FRMD6: variants seen among roughly 807,000 people sequenced by gnomAD.
The protein encoded by FRMD6 is FERM domain containing 6.
FRMD6 carries 37 observed loss-of-function variants against 73.2 expected under a neutral mutation model. The ratio of observed to expected loss-of-function variants is 0.51; its 90% CI spans 0.39 to 0.66. The LOEUF is 0.66. Ranked by LOEUF, FRMD6 falls within the 30% of genes least tolerant of loss-of-function variation. The pLI is 0.00. For synonymous variants in FRMD6, 273 were observed against 282.2 expected (o/e 0.97, Z 0.33); for missense variants, 714 against 780.5 (o/e 0.91, Z 1.02).
chr14:51,647,743 T>C (rs1364099397), upstream of FRMD6, among the ~76,000 whole-genome samples: 1 of 152,220 alleles, frequency 6.6e-6, no homozygotes, highest in African/African-American at 2.4e-5. Flanking sequence ...GTTAAATCAC[T>C]GACTTCTCTC....
At chr14:51,718,708 G>A (rs1897369083) in intron 10 of FRMD6, among the ~76,000 whole-genome samples, 1 of 152,162 alleles carries the variant, frequency 6.6e-6, no homozygotes, top group African/African-American at 2.4e-5. Context: ...GTTTCAGCCT[G>A]CTTTCTCTGT....
intron 10 of FRMD6, among the ~76,000 whole-genome samples, chr14:51,717,721 C>T (rs749820): frequency 1.3e-5 from 2 of 151,908 alleles, no homozygotes; most frequent in Non-Finnish European, 2.9e-5. Context: ...ACATGAAAAG[C>T]CCTTTTTTGG....
At chr14:51,616,640 A>G (rs1890728139) in intron 2 of FRMD6, among the ~76,000 whole-genome samples, 1 of 152,138 alleles carries the variant, frequency 6.6e-6, no homozygotes, top group South Asian at 2.1e-4. Flanking sequence ...GGGGTGGTAA[A>G]GAACACAGGC....
chr14:51,599,462 C>T (rs1889910514), intron 2 of FRMD6, among the ~76,000 whole-genome samples: 1 of 152,064 alleles, frequency 6.6e-6, no homozygotes. Flanking sequence ...TTCTCAAAAG[C>T]AATTGCAACA....
intron 1 of FRMD6, among the ~76,000 whole-genome samples, chr14:51,511,340 A>C (rs1421844754): frequency 2.0e-5 from 3 of 152,272 alleles, no homozygotes; most frequent in Non-Finnish European, 2.9e-5. Flanking sequence ...GAAATAAAGA[A>C]GAAAGAAATT....
chr14:51,536,775 CAT>C (rs1368717945), intron 1 of FRMD6, among the ~76,000 whole-genome samples: 4 of 152,192 alleles, frequency 2.6e-5, no homozygotes, highest in Non-Finnish European at 5.9e-5. Flanking sequence ...TATGATCATT[CAT>C]AAACCAGCTG....
chr14:51,448,145 T>A, the FRMD6 span, among the ~76,000 whole-genome samples: 1 of 152,242 alleles, frequency 6.6e-6, no homozygotes, highest in East Asian at 1.9e-4. Context: ...TTTTTGGAAT[T>A]CCTAATGTTT....
the FRMD6 span, chr14:51,454,799 A>G: frequency 6.6e-6 from 1 of 150,714 alleles, no homozygotes; most frequent in South Asian, 2.1e-4. Flanking sequence ...ATTACTCTCC[A>G]TTCCCTTTGT....
chr14:51,584,266 A>C (rs374333874), intron 2 of FRMD6: 1 of 152,234 alleles, frequency 6.6e-6, no homozygotes, highest in East Asian at 1.9e-4. Context: ...TTCTCCTGGC[A>C]GAGGCATTTG....
chr14:51,656,942 C>T (rs1006478056), intron 1 of FRMD6, among the ~76,000 whole-genome samples: 7 of 152,056 alleles, frequency 4.6e-5, no homozygotes, highest in South Asian at 2.1e-4. Context: ...TATCTTTGTA[C>T]ATGTTTTATA....
intron 2 of FRMD6, among the ~76,000 whole-genome samples, chr14:51,584,494 C>T (rs1888907491): frequency 6.6e-6 from 1 of 152,226 alleles, no homozygotes; most frequent in South Asian, 2.1e-4. Context: ...AATGGTACCA[C>T]TTGGGCATAG....
chr14:51,585,316 A>C (rs545487183), intron 2 of FRMD6, among the ~76,000 whole-genome samples: 2 of 152,278 alleles, frequency 1.3e-5, no homozygotes, highest in South Asian at 4.2e-4. Context: ...CATACGACTT[A>C]AATTTGTCCC....
chr14:51,726,589 A>G (rs182634822), intron 13 of FRMD6, among the ~76,000 whole-genome samples: 13 of 152,150 alleles, frequency 8.5e-5, no homozygotes, highest in African/African-American at 3.1e-4. Context: ...CGTTGAAGTA[A>G]CCATAATGTG....
intron 1 of FRMD6, among the ~76,000 whole-genome samples, chr14:51,497,865 G>A (rs1391029268): frequency 5.9e-5 from 9 of 152,134 alleles, no homozygotes; most frequent in Non-Finnish European, 8.8e-5. Context: ...AGGCTTCTAC[G>A]AATCTTAGAA....
the FRMD6 span, among the ~76,000 whole-genome samples, chr14:51,415,374 A>G: frequency 1.3e-5 from 2 of 152,176 alleles, no homozygotes; most frequent in Admixed American, 1.3e-4. Context: ...AAGGCTGTTG[A>G]ATTTTGTCAA....
At chr14:51,469,726 AC>A in the FRMD6 span, among the ~76,000 whole-genome samples, 1 of 151,668 alleles carries the variant, frequency 6.6e-6, no homozygotes, top group Non-Finnish European at 1.5e-5. Context: ...CATGAGAAAT[AC>A]TTTATTTTTT....
At chr14:51,660,675 A>G (rs893841206) in intron 1 of FRMD6, among the ~76,000 whole-genome samples, 11 of 151,658 alleles carry the variant, frequency 7.3e-5, no homozygotes, top group African/African-American at 2.4e-4. Flanking sequence ...GGCAATCAGC[A>G]TAAGAAAATA....
chr14:51,429,605 C>T, the FRMD6 span, among the ~76,000 whole-genome samples: 2 of 152,078 alleles, frequency 1.3e-5, no homozygotes, highest in African/African-American at 2.4e-5. Flanking sequence ...GATCCGTTTC[C>T]CCCATTTAAC....
At chr14:51,491,004 C>A (rs2140166665) in intron 1 of FRMD6, among the ~76,000 whole-genome samples, 1 of 152,218 alleles carries the variant, frequency 6.6e-6, no homozygotes, top group South Asian at 2.1e-4. Flanking sequence ...AAGGCAGGGA[C>A]CAAATACCTT....
Sources: allele counts gnomAD v4.1 joint callset (sites outside exome capture counted in the v4.1 genomes callset), GRCh38; gene constraint gnomAD v4.1.1; transcripts MANE v1.5; gene names NCBI Gene and HGNC (gene_info 2026-07-23, HGNC 2026-07-21).